The following ADGRA3 variants were observed in gnomAD, a reference collection of about 807,000 sequenced individuals.
ADGRA3 encodes the protein adhesion G protein-coupled receptor A3.
Under a neutral mutation model 119.8 loss-of-function variants are expected in ADGRA3, and 56 were observed. The observed-to-expected ratio is 0.47, with a 90% CI of 0.38 to 0.58. The LOEUF (loss-of-function observed/expected upper bound fraction) is 0.58. Among genes scored for constraint, ADGRA3 ranks in the 20% least tolerant of loss-of-function variants. The pLI, the probability that ADGRA3 is intolerant of heterozygous loss-of-function variation, is 0.00. For missense variants in ADGRA3, 1,516 were observed against 1,649.0 expected, an observed-to-expected ratio of 0.92 and a Z score of 1.40; for synonymous variants, 607 against 623.8, an observed-to-expected ratio of 0.97 and a Z score of 0.40.
intron 1 of ADGRA3, among the ~76,000 whole-genome samples, chr4:22,481,310 A>C (rs2109134015): frequency 6.6e-6 from 1 of 152,190 alleles, no homozygotes; most frequent in South Asian, 2.1e-4. Flanking sequence ...CTCAAAAATA[A>C]ATTTTCAGTG....
intron 14 of ADGRA3, among the ~76,000 whole-genome samples, chr4:22,412,400 C>T (rs10002842): frequency 5.9e-5 from 9 of 151,908 alleles, no homozygotes; most frequent in Non-Finnish European, 1.3e-4. Flanking sequence ...TTTTACCCCC[C>T]AAAAATTACA....
intron 17 of ADGRA3, among the ~76,000 whole-genome samples, chr4:22,390,377 TATAATAC>T (rs1714078168): frequency 1.0e-4 from 3 of 29,470 alleles, no homozygotes; most frequent in Non-Finnish European, 5.3e-4. Flanking sequence ...ATTATATATA[TATAATAC>T]GTATTATATA....
chr4:22,401,924 C>T (rs1029144186), intron 15 of ADGRA3, among the ~76,000 whole-genome samples: 6 of 152,094 alleles, frequency 3.9e-5, no homozygotes, highest in East Asian at 1.9e-4. Context: ...CTGCAAGATG[C>T]CAATGGGTCT....
chr4:22,426,652 G>A (rs1006591858), intron 10 of ADGRA3, among the ~76,000 whole-genome samples: 1 of 152,062 alleles, frequency 6.6e-6, no homozygotes, highest in African/African-American at 2.4e-5. Flanking sequence ...CTGCTACAAG[G>A]GAAATATGCA....
At chr4:22,474,910 T>C (rs190977087) in intron 1 of ADGRA3, among the ~76,000 whole-genome samples, 141 of 152,316 alleles carry the variant, frequency 9.3e-4, no homozygotes, top group Non-Finnish European at 1.7e-3. Flanking sequence ...ACACAGCACT[T>C]CTTTGTATAT....
At chr4:22,426,757 G>T (rs546308263) in intron 10 of ADGRA3, among the ~76,000 whole-genome samples, 1 of 152,232 alleles carries the variant, frequency 6.6e-6, no homozygotes, top group Non-Finnish European at 1.5e-5. Flanking sequence ...CCAAACCGAA[G>T]ATATTAACAA....
chr4:22,475,237 C>A (rs1279460278), intron 1 of ADGRA3, among the ~76,000 whole-genome samples: 2 of 152,072 alleles, frequency 1.3e-5, no homozygotes, highest in Admixed American at 1.3e-4. Context: ...ATCTACCTCA[C>A]GAACAGTAGA....
At chr4:22,391,873 C>A (rs937736470) in intron 17 of ADGRA3, among the ~76,000 whole-genome samples, 2 of 152,074 alleles carry the variant, frequency 1.3e-5, no homozygotes, top group East Asian at 3.9e-4. Context: ...TTCCTAACAA[C>A]CCCCCGCCCC....
chr4:22,439,208 C>G (rs539372667), intron 7 of ADGRA3, among the ~76,000 whole-genome samples: 3 of 152,100 alleles, frequency 2.0e-5, no homozygotes, highest in Non-Finnish European at 4.4e-5. Flanking sequence ...ACACTAGAAA[C>G]AAACCAGTTA....
At chr4:22,458,160 T>G (rs1230364718) in intron 3 of ADGRA3, among the ~76,000 whole-genome samples, 2 of 152,222 alleles carry the variant, frequency 1.3e-5, no homozygotes, top group African/African-American at 4.8e-5. Context: ...CCCGAGTTTC[T>G]GATAGGGTAG....
chr4:22,515,473 G>C, intron 1 of ADGRA3, 55 bp downstream of exon 1: 1 of 1,573,324 alleles, frequency 6.4e-7, no homozygotes. Context: ...AAGTTGAGCG[G>C]AGAGATAAGA....
chr4:22,446,692 C>T (rs1028242183), intron 5 of ADGRA3, among the ~76,000 whole-genome samples: 3 of 152,072 alleles, frequency 2.0e-5, no homozygotes, highest in African/African-American at 2.4e-5. Context: ...AGTCAGAGTA[C>T]AGGGAAGAGA....
At chr4:22,414,555 T>C (rs1347961479) in intron 12 of ADGRA3, 1 of 684,004 alleles carries the variant, frequency 1.5e-6, no homozygotes, top group Non-Finnish European at 2.6e-6. Context: ...TACAATCTTT[T>C]TCTTGGCTTC....
Position 22,420,879 on chromosome 4 carries a change from A to G in ADGRA3, c.1809+7T>C. 1 of 1,610,734 alleles carries G rather than the reference A, an allele frequency of 6.2e-7. No individual in the cohort carries two copies. Among genetic ancestry groups the G allele is most frequent in the Non-Finnish European group, 8.5e-7 (1 of 1,176,882 alleles). On this transcript the variant is annotated splice_region_variant and intron_variant, in intron 12 of 18. Transcript: ENST00000334304. ...ATAGTCTTAAATGATTGCAGAATGT[A>G]ACATACCTTTAGTGCCAGACTCGAA...
At chr4:22,405,770 A>C (rs753830276) in intron 14 of ADGRA3, among the ~76,000 whole-genome samples, 3 of 152,164 alleles carry the variant, frequency 2.0e-5, no homozygotes, top group African/African-American at 4.8e-5. Flanking sequence ...GTATATATTT[A>C]TGGCATACAT....
chr4:22,509,894 C>T (rs2109186700), intron 1 of ADGRA3, among the ~76,000 whole-genome samples: 1 of 151,356 alleles, frequency 6.6e-6, no homozygotes, highest in East Asian at 2.0e-4. Context: ...CCTGTAGTCC[C>T]AGCTACTCGG....
chr4:22,436,646 AGAT>A lies in ADGRA3; in HGVS notation c.1086-8_1086-6del, dbSNP rs1318012397. ...CCTGCCAATGTTCTGGGCCATCTAG[AGAT>A]GAAGACAAAATAGTACAAGAAAATC... is the stretch of plus-strand genomic sequence containing the variant. On this transcript the variant is annotated splice_region_variant and splice_polypyrimidine_tract_variant and intron_variant, in intron 8 of 18. Coordinates refer to ENST00000334304, the MANE Select transcript of ADGRA3 (RefSeq NM_145290.4). 6.2e-7 allele frequency: 1 copy of A among 1,612,674 alleles called. No individual in the cohort carries two copies. The highest frequency in any genetic ancestry group is 2.2e-5 in the East Asian group (1 of 44,860).
At chr4:22,402,367 C>T (rs537360074) in intron 15 of ADGRA3, among the ~76,000 whole-genome samples, 7 of 152,062 alleles carry the variant, frequency 4.6e-5, no homozygotes, top group South Asian at 4.2e-4. Flanking sequence ...AAGAAACTTC[C>T]GCCTCACTTT....
At chr4:22,440,770 G>A (rs1577350301) in intron 7 of ADGRA3, among the ~76,000 whole-genome samples, 2 of 151,974 alleles carry the variant, frequency 1.3e-5, no homozygotes, top group Non-Finnish European at 2.9e-5. Flanking sequence ...ATCAATTATT[G>A]TCTGTTTATA....
Sources: gnomAD v4.1 joint callset for allele counts (sites outside exome capture counted in the v4.1 genomes callset) on GRCh38, gnomAD v4.1.1 for gene constraint, MANE v1.5 for transcripts, NCBI Gene and HGNC (gene_info 2026-07-23, HGNC 2026-07-21) for gene names.